RORA: variants seen among roughly 807,000 people sequenced by gnomAD.
RORA encodes RAR related orphan receptor A, also known as nuclear receptor ROR-alpha.
RORA carries 7 observed loss-of-function variants against 69.5 expected under a neutral mutation model. That is an observed-to-expected ratio of 0.10 (90% CI 0.06 to 0.19). The LOEUF (loss-of-function observed/expected upper bound fraction) is 0.19, where lower values mean the gene tolerates loss of function less well. RORA is among the 10% of genes least tolerant of loss of function. The pLI is 1.00. For missense variants in RORA, 457 were observed against 663.0 expected (o/e 0.69, Z 3.41); for synonymous variants, 261 against 240.8 (o/e 1.08, Z -0.78).
At chr15:60,806,092 G>A (rs2072656312) in intron 1 of RORA, among the ~76,000 whole-genome samples, 1 of 152,266 alleles carries the variant, frequency 6.6e-6, no homozygotes, top group African/African-American at 2.4e-5. Flanking sequence ...AGCATTTTAG[G>A]CAGTGACATG....
intron 1 of RORA, among the ~76,000 whole-genome samples, chr15:61,146,757 A>G (rs1009946092): frequency 6.6e-6 from 1 of 152,190 alleles, no homozygotes; most frequent in African/African-American, 2.4e-5. Flanking sequence ...TATTAAGTCA[A>G]TATGTCACCC....
rs1223484511 is a variant in RORA, at chr15:61,085,960, C to T, written c.166+143093G>A. The stretch of plus-strand genomic sequence containing the variant: ...GAATGAATTATATAGGCTCCTCTTG[C>T]CTAGGTTGCTATGCTGGGTCATAGT... On this transcript the variant is annotated intron_variant, in intron 1 of 10. Transcript: ENST00000335670. Among the ~76,000 whole-genome samples the T allele has an allele frequency of 3.3e-5, 5 of 152,306 alleles. No homozygotes were observed. In the East Asian group the frequency reaches 9.6e-4, roughly 29 times the overall value.
chr15:60,686,009 T>A (rs2140764261), intron 1 of RORA, among the ~76,000 whole-genome samples: 1 of 152,160 alleles, frequency 6.6e-6, no homozygotes, highest in East Asian at 1.9e-4. Context: ...CCATTTTAGT[T>A]TGAAAAATGG....
At position 60,490,157 on chromosome 15, in the gene RORA, G is replaced by GATATATATATATATGTAT. The variant is rs1555419831; in HGVS notation, c.*7280_*7297dup. ...TACAGCTGCCAGTTGGGCATAGGTA[G>GATATATATATATATGTAT]ATATATATATATATGTATATATATA... is the stretch of plus-strand genomic sequence containing the variant. On this transcript the variant is annotated 3_prime_UTR_variant, in exon 11 of 11. Coordinates refer to ENST00000335670, the MANE Select transcript of RORA (RefSeq NM_134261.3). This position sits in a 1 kb window ranked among gnomAD's most constrained non-coding sequence, Gnocchi z 4.1. The GATATATATATATATGTAT allele has an allele frequency of 1.3e-5, 2 of 148,892 alleles. No homozygotes were observed. Among genetic ancestry groups the GATATATATATATATGTAT allele is most frequent in the African/African-American group, 4.9e-5 (2 of 40,594 alleles). The allele number at this position is 148,892 out of a possible 1,614,324, so 9.2% of individuals were successfully genotyped here. A position where few individuals can be genotyped will look rare whatever the true frequency, so the allele number is the denominator to read the frequency against.
At chr15:60,871,741 T>A (rs1267925998) in intron 1 of RORA, among the ~76,000 whole-genome samples, 1 of 152,202 alleles carries the variant, frequency 6.6e-6, no homozygotes, top group Non-Finnish European at 1.5e-5. Flanking sequence ...ACCACAACCA[T>A]GCATAATTAA....
intron 1 of RORA, among the ~76,000 whole-genome samples, chr15:60,799,110 G>A (rs539701464): frequency 6.6e-6 from 1 of 152,058 alleles, no homozygotes; most frequent in South Asian, 2.1e-4. Context: ...TCAGGCCTCC[G>A]TGCCCTCGTG....
intron 1 of RORA, among the ~76,000 whole-genome samples, chr15:61,041,967 G>A (rs1335651641): frequency 6.6e-6 from 1 of 152,126 alleles, no homozygotes; most frequent in Non-Finnish European, 1.5e-5. Context: ...TAAATAACTT[G>A]CCCAAGGAGT....
chr15:61,223,394 T>A (rs1211555572), intron 1 of RORA, among the ~76,000 whole-genome samples: 3 of 151,782 alleles, frequency 2.0e-5, no homozygotes, highest in Non-Finnish European at 2.9e-5. Context: ...AAGCTCTGGA[T>A]GAAATATTCC....
intron 1 of RORA, among the ~76,000 whole-genome samples, chr15:60,800,117 A>G (rs1250476139): frequency 6.6e-6 from 1 of 152,200 alleles, no homozygotes; most frequent in Non-Finnish European, 1.5e-5. Context: ...GGCTACGGTG[A>G]GAGTATTTAC....
At chr15:61,002,406 T>C (rs1894771582) in intron 1 of RORA, among the ~76,000 whole-genome samples, 1 of 152,216 alleles carries the variant, frequency 6.6e-6, no homozygotes, top group Admixed American at 6.5e-5. Context: ...ACATGGCAAG[T>C]TTTATTTTGT....
chr15:61,185,391 T>TGACACG (rs375286199), intron 1 of RORA, among the ~76,000 whole-genome samples: 1 of 151,558 alleles, frequency 6.6e-6, no homozygotes. Context: ...AGGATCTCTA[T>TGACACG]ACGGCTACTC....
intron 1 of RORA, among the ~76,000 whole-genome samples, chr15:61,218,431 C>T (rs896455017): frequency 1.3e-5 from 2 of 152,046 alleles, no homozygotes; most frequent in Admixed American, 6.6e-5. Flanking sequence ...GTGTAACATA[C>T]TAAGTTCAGA....
chr15:60,545,086 C>T (rs1240073618), intron 2 of RORA: 1 of 152,098 alleles, frequency 6.6e-6, no homozygotes, highest in African/African-American at 2.4e-5. Context: ...CACGACTTGC[C>T]CTGATTTTGC....
intron 2 of RORA, among the ~76,000 whole-genome samples, chr15:60,626,078 C>T (rs1390697584): frequency 1.3e-5 from 2 of 152,330 alleles, no homozygotes; most frequent in East Asian, 3.9e-4. Context: ...CCCAAAGGGA[C>T]ACCAGGAATG....
chr15:60,627,660 T>C (rs2069628210), intron 2 of RORA: 2 of 416,902 alleles, frequency 4.8e-6, no homozygotes, highest in African/African-American at 4.3e-5. Flanking sequence ...CAATACCAAA[T>C]AGTTTGAAAA....
intron 1 of RORA, among the ~76,000 whole-genome samples, chr15:60,765,859 C>T (rs1429690313): frequency 6.6e-6 from 1 of 151,932 alleles, no homozygotes; most frequent in African/African-American, 2.4e-5. Flanking sequence ...GTAACCCGCT[C>T]CCCCACCTAA....
chr15:60,844,041 T>C (rs1028347944), intron 1 of RORA, among the ~76,000 whole-genome samples: 2 of 152,194 alleles, frequency 1.3e-5, no homozygotes, highest in African/African-American at 4.8e-5. Context: ...TTCCCCTCTT[T>C]AACTGGCAAA....
At chr15:61,053,863 A>ATATATATATATAT (rs1555406156) in intron 1 of RORA, among the ~76,000 whole-genome samples, 11 of 137,188 alleles carry the variant, frequency 8.0e-5, no homozygotes, top group African/African-American at 1.3e-4. Context: ...ATATATATAT[A>ATATATATATATAT]AACATTCTTC....
intron 1 of RORA, among the ~76,000 whole-genome samples, chr15:60,709,542 A>G (rs950835172): frequency 2.0e-5 from 3 of 152,010 alleles, no homozygotes; most frequent in Admixed American, 6.6e-5. Context: ...TGAGCTCCAG[A>G]TTCTGTCAGA....
Sources: gnomAD v4.1 joint callset for allele counts (sites outside exome capture counted in the v4.1 genomes callset) on GRCh38, gnomAD v4.1.1 for gene constraint, Gnocchi (gnomAD v3.1) non-coding constraint, MANE v1.5 for transcripts, NCBI Gene and HGNC (gene_info 2026-07-23, HGNC 2026-07-21) for gene names.